Variants in CSNK1G1 observed in about 807,000 individuals in gnomAD.
CSNK1G1 encodes casein kinase I isoform gamma-1.
CSNK1G1 carries 22 observed loss-of-function variants against 59.6 expected under a neutral mutation model. The ratio of observed to expected loss-of-function variants is 0.37; its 90% CI spans 0.26 to 0.53. The LOEUF is 0.53. Among genes scored for constraint, CSNK1G1 ranks in the 20% least tolerant of loss-of-function variants. The pLI, the probability that CSNK1G1 is intolerant of heterozygous loss-of-function variation, is 0.89. For synonymous variants in CSNK1G1, 179 were observed against 177.1 expected, an observed-to-expected ratio of 1.01 and a Z score of -0.08; for missense variants, 384 against 519.5, an observed-to-expected ratio of 0.74 and a Z score of 2.54.
Position 64,216,747 on chromosome 15 carries a change from G to A in CSNK1G1, c.293-34C>T, listed in dbSNP as rs1432106479. ...AGAGGGGAAATGGGGGTATACAGTG[G>A]GAGACACAAAAGCCAAAATATGAGA... On this transcript the variant is annotated intron_variant, in intron 4 of 11. Transcript: ENST00000303052. This position sits in a 1 kb window ranked among gnomAD's most constrained non-coding sequence, Gnocchi z 4.6. 1.3e-6 allele frequency: 2 copies of A among 1,597,042 alleles called. No individual in the cohort carries two copies. Among genetic ancestry groups the A allele is most frequent in the Non-Finnish European group, 1.7e-6 (2 of 1,169,140 alleles).
At chr15:64,250,016 T>C (rs1417447743) in intron 4 of CSNK1G1, among the ~76,000 whole-genome samples, 3 of 152,190 alleles carry the variant, frequency 2.0e-5, no homozygotes, top group African/African-American at 7.2e-5. Flanking sequence ...TTATGAGACA[T>C]ATACAAACAT....
At chr15:64,238,087 C>G (rs889997741) in intron 4 of CSNK1G1, among the ~76,000 whole-genome samples, 3 of 152,052 alleles carry the variant, frequency 2.0e-5, no homozygotes, top group South Asian at 2.1e-4. Context: ...CCTTCTGAGT[C>G]ACAAAATTAG....
At chr15:64,316,153 A>G (rs1896251102) in intron 1 of CSNK1G1, among the ~76,000 whole-genome samples, 1 of 152,052 alleles carries the variant, frequency 6.6e-6, no homozygotes, top group Non-Finnish European at 1.5e-5. Context: ...CAGCCTCTCA[A>G]AGCACTGGGA....
chr15:64,335,821 C>A (rs1259521862), intron 1 of CSNK1G1: 1 of 152,134 alleles, frequency 6.6e-6, no homozygotes, highest in African/African-American at 2.4e-5. Flanking sequence ...CAAATTCTTG[C>A]TGTTGTTCCT....
intron 3 of CSNK1G1, among the ~76,000 whole-genome samples, chr15:64,253,429 G>A (rs1892196301): frequency 6.6e-6 from 1 of 152,162 alleles, no homozygotes; most frequent in Admixed American, 6.5e-5. Flanking sequence ...AACAAGTGTT[G>A]ATGAGGATGT....
chr15:64,276,069 T>C (rs1893596540), intron 2 of CSNK1G1, among the ~76,000 whole-genome samples: 1 of 152,128 alleles, frequency 6.6e-6, no homozygotes, highest in Non-Finnish European at 1.5e-5. Flanking sequence ...CATCTGAAAG[T>C]CTAAAGTGAG....
At chr15:64,278,325 GCGTGAGTCACCACA>G (rs1489569597) in intron 2 of CSNK1G1, among the ~76,000 whole-genome samples, 4 of 151,594 alleles carry the variant, frequency 2.6e-5, no homozygotes, top group Admixed American at 2.0e-4. Flanking sequence ...GGGATTGTAG[GCGTGAGTCACCACA>G]CCCAGTCCAG....
chr15:64,193,450 C>T (rs1171228691), intron 10 of CSNK1G1, among the ~76,000 whole-genome samples: 2 of 148,644 alleles, frequency 1.3e-5, no homozygotes, highest in African/African-American at 5.0e-5. Context: ...CGAGATCGCG[C>T]CACTGCACTC....
chr15:64,277,990 A>G lies in CSNK1G1; in HGVS notation c.182-18749T>C, dbSNP rs1003561951. 7.7e-4 allele frequency among the ~76,000 whole-genome samples: 111 copies of G among 144,852 alleles called. 1 individual carries two copies. Among genetic ancestry groups the G allele is most frequent in the Non-Finnish European group, 5.2e-4 (35 of 67,060 alleles). On this transcript the variant is annotated intron_variant, in intron 2 of 11. Transcript: ENST00000303052. ...TATATTAATATTGATATATTCGAAT[A>G]ATATATTAATATTGATATATTTGAA...
chr15:64,202,990 C>T (rs1196268540), intron 10 of CSNK1G1, 92 bp downstream of exon 10: 7 of 900,696 alleles, frequency 7.8e-6, no homozygotes, highest in Non-Finnish European at 1.1e-5. Context: ...ATTTTCAGTA[C>T]ATACACTAAA....
intron 2 of CSNK1G1, among the ~76,000 whole-genome samples, chr15:64,283,390 T>C (rs1016834995): frequency 2.0e-5 from 3 of 152,086 alleles, no homozygotes; most frequent in Admixed American, 1.3e-4. Context: ...TCACCCAGGC[T>C]GGATTGCAGT....
chr15:64,206,102 T>C (rs1336276000), intron 7 of CSNK1G1, among the ~76,000 whole-genome samples: 1 of 152,202 alleles, frequency 6.6e-6, no homozygotes, highest in Non-Finnish European at 1.5e-5. Context: ...GGTCAGGAGC[T>C]CGAGACCAGC....
chr15:64,304,383 CAAAAAAAAAAAA>C (rs3057017), intron 1 of CSNK1G1, among the ~76,000 whole-genome samples: 9 of 70,722 alleles, frequency 1.3e-4, no homozygotes, highest in Non-Finnish European at 2.5e-4. Flanking sequence ...AACTCCACCT[CAAAAAAAAAAAA>C]AAAAAAAAAA....
intron 10 of CSNK1G1, among the ~76,000 whole-genome samples, chr15:64,198,118 A>C (rs1265541622): frequency 6.7e-6 from 1 of 148,984 alleles, no homozygotes; most frequent in Non-Finnish European, 1.5e-5. Flanking sequence ...TGTTATAGTT[A>C]TCTGTCCATT....
At chr15:64,330,524 T>C (rs1455044322) in intron 1 of CSNK1G1, among the ~76,000 whole-genome samples, 6 of 82,254 alleles carry the variant, frequency 7.3e-5, no homozygotes, top group African/African-American at 2.0e-4. Context: ...TGGGACGTAT[T>C]TCAAAATAAT....
At chr15:64,343,901 T>C (rs1897808921) in intron 1 of CSNK1G1, among the ~76,000 whole-genome samples, 1 of 151,926 alleles carries the variant, frequency 6.6e-6, no homozygotes, top group Admixed American at 6.6e-5. Context: ...TAAAATATTT[T>C]TTGGCGTATT....
chr15:64,236,494 G>C (rs1225349942), intron 4 of CSNK1G1, among the ~76,000 whole-genome samples: 1 of 152,108 alleles, frequency 6.6e-6, no homozygotes, highest in Non-Finnish European at 1.5e-5. Flanking sequence ...AACATTAATA[G>C]ACATTTTTCA....
At chr15:64,269,862 G>C (rs891974056) in intron 2 of CSNK1G1, among the ~76,000 whole-genome samples, 2 of 151,636 alleles carry the variant, frequency 1.3e-5, no homozygotes, top group Non-Finnish European at 2.9e-5. Context: ...GGAGTGCAGG[G>C]GTGCAATCTC....
At chr15:64,174,408 C>T (rs902206652) in intron 11 of CSNK1G1, among the ~76,000 whole-genome samples, 4 of 152,210 alleles carry the variant, frequency 2.6e-5, no homozygotes, top group Admixed American at 2.0e-4. Flanking sequence ...ATTCTACCTA[C>T]AAGAAAGCAG....
Sources: gnomAD v4.1 joint callset for allele counts (sites outside exome capture counted in the v4.1 genomes callset) on GRCh38, gnomAD v4.1.1 for gene constraint, Gnocchi (gnomAD v3.1) non-coding constraint, MANE v1.5 for transcripts, NCBI Gene and HGNC (gene_info 2026-07-23, HGNC 2026-07-21) for gene names.